UBAC1: variants seen among roughly 807,000 people sequenced by gnomAD.
The protein encoded by UBAC1 is ubiquitin-associated domain-containing protein 1.
Under a neutral mutation model 45.9 loss-of-function variants are expected in UBAC1, and 27 were observed. The ratio of observed to expected loss-of-function variants is 0.59; its 90% confidence interval spans 0.43 to 0.81. UBAC1 has a LOEUF of 0.81. Ranked by LOEUF, UBAC1 falls within the 30% of genes least tolerant of loss-of-function variation. The pLI, the probability that UBAC1 is intolerant of heterozygous loss-of-function variation, is 0.00. For synonymous variants in UBAC1, 227 were observed against 215.5 expected, an observed-to-expected ratio of 1.05 and a Z score of -0.47; for missense variants, 529 against 539.2, an observed-to-expected ratio of 0.98 and a Z score of 0.19.
intron 3 of UBAC1, 61 bp downstream of exon 3, chr9:135,953,619 G>A (rs1839432455): frequency 6.7e-7 from 1 of 1,499,106 alleles, no homozygotes; most frequent in Non-Finnish European, 9.2e-7. Context: ...TACCCAGCCT[G>A]TAATTCTTAA....
At position 135,939,670 on chromosome 9, in the gene UBAC1, C is replaced by T; in HGVS notation, c.963+3G>A. 1 of 1,612,354 alleles carries T rather than the reference C, an allele frequency of 6.2e-7. No homozygotes were observed. Among genetic ancestry groups the T allele is most frequent in the East Asian group, 2.2e-5 (1 of 44,884 alleles). On this transcript the variant is annotated splice_donor_region_variant and intron_variant, in intron 8 of 9. Transcript: ENST00000371756. ...CACTCACTCACCACAGCCCAACACT[C>T]ACCGCGGCATTCTGCTGGTTGTTGT...
At position 135,933,054 on chromosome 9, in the gene UBAC1, T is replaced by C. The variant is rs974765773; in HGVS notation, c.*346A>G. ...TTGACATTAACTCTGGGTTGAAACC[T>C]ACCTCCGTCAAATAACAAGTGGACT... On this transcript the variant is annotated 3_prime_UTR_variant, in exon 10 of 10. Transcript: ENST00000371756. 9.9e-6 allele frequency: 2 copies of C among 202,576 alleles called. No homozygotes were observed. The highest frequency in any genetic ancestry group is 1.9e-5 in the Non-Finnish European group (2 of 102,598). The allele number at this position is 202,576 out of a possible 1,614,324, so 12.5% of individuals were successfully genotyped here.
Position 135,938,310 on chromosome 9 carries a change from C to G in UBAC1, c.1014G>C (p.Lys338Asn), listed in dbSNP as rs748162848. The G allele has an allele frequency of 9.9e-6, 16 of 1,614,036 alleles. No individual in the cohort carries two copies. The highest frequency in any genetic ancestry group is 1.4e-5 in the Non-Finnish European group (16 of 1,180,040). Residue 338 changes from lysine (K) to asparagine (N), a missense_variant, in exon 9 of 10, where the codon AAG becomes AAC. Coordinates refer to ENST00000371756, the MANE Select transcript of UBAC1 (RefSeq NM_016172.3). Reference sequence around the variant, plus strand: ...AGAGAGGACTGTCGGGGTCGATGCCCTTGTCCAGCTCCTCCGGAGAGGGCT... The same window carrying G: ...AGAGAGGACTGTCGGGGTCGATGCCGTTGTCCAGCTCCTCCGGAGAGGGCT... Reference protein sequence around the residue: ...DRKPSPEELDKGIDPDSPLFQ... With the variant: ...DRKPSPEELDNGIDPDSPLFQ...
chr9:135,945,366 G>A, intron 6 of UBAC1, 116 bp from the exon 7 acceptor site: 1 of 920,698 alleles, frequency 1.1e-6, no homozygotes, highest in Non-Finnish European at 1.6e-6. Flanking sequence ...GCATCAGCTG[G>A]TGACCCTTAT....
rs1317349029 is a variant in UBAC1, at chr9:135,961,185, G to A, written c.-23C>T. The A allele has an allele frequency of 2.0e-6, 3 of 1,507,768 alleles. No homozygotes were observed. The highest frequency in any genetic ancestry group is 2.2e-5 in the Admixed American group (1 of 46,100). 93.4% of individuals were successfully genotyped at this position (1,507,768 alleles called of 1,614,324 possible). On this transcript the variant is annotated 5_prime_UTR_variant, in exon 1 of 10. Coordinates refer to ENST00000371756, the MANE Select transcript of UBAC1 (RefSeq NM_016172.3). ...CATCCCGCCGCCGCCGCAGGGGCCT[G>A]CGCCCGCCACCCGGGCCCCTGAAGG...
rs1839313910 is a variant in UBAC1, at chr9:135,945,178, A to G, written c.726T>C (p.Pro242=). The G allele has an allele frequency of 6.2e-7, 1 of 1,613,266 alleles. No homozygotes were observed. The highest frequency in any genetic ancestry group is 2.2e-5 in the East Asian group (1 of 44,856). The change falls in exon 7 of 10, where the codon CCT becomes CCC. Residue 242 remains proline (P), a synonymous_variant. Transcript: ENST00000371756. ...AEDPTIDTPL[P]GQAPPEAEGA... ...CCTCGGCCTCTGGGGGAGCTTGGCCAGGAAGAGGCGTGTCTATGGTCGGGT... is the reference window on the plus strand; with the variant it reads ...CCTCGGCCTCTGGGGGAGCTTGGCCGGGAAGAGGCGTGTCTATGGTCGGGT...
At chr9:135,959,288 TA>T (rs577152866) in intron 1 of UBAC1, among the ~76,000 whole-genome samples, 152 of 151,750 alleles carry the variant, frequency 1.0e-3, no homozygotes, top group African/African-American at 3.6e-3. Context: ...CTTGTGGATA[TA>T]AACCGAACCC....
intron 7 of UBAC1, 65 bp from the exon 8 acceptor site, chr9:135,939,824 G>C (rs762042255): frequency 9.8e-6 from 14 of 1,431,758 alleles, no homozygotes; most frequent in Non-Finnish European, 1.4e-5. Flanking sequence ...AGTGACCTGC[G>C]TGCAGAGGGG....
At chr9:135,955,476 G>A (rs966792747) in intron 1 of UBAC1, 61 bp from the exon 2 acceptor site, 4 of 1,427,944 alleles carry the variant, frequency 2.8e-6, no homozygotes, top group South Asian at 3.2e-5. Context: ...AATAATATAG[G>A]ACCTGGCATC....
rs1839223092 is a variant in UBAC1 at position 135,938,249 on chromosome 9, C to A, written c.1075G>T (p.Gly359Cys). 1 of 1,614,110 alleles carries A rather than the reference C, an allele frequency of 6.2e-7. No homozygotes were observed. Among genetic ancestry groups the A allele is most frequent in the East Asian group, 2.2e-5 (1 of 44,878 alleles). ...AILDNPVVQL[G>C]LTNPKTLLAF... is the part of the protein sequence containing the mutation. ...AGCAATGTTTTCGGGTTGGTCAGGC[C>A]CAGCTGCACCACCGGGTTATCCAGG... Residue 359 changes from glycine (G) to cysteine (C), a missense_variant, in exon 9 of 10, where the codon GGC (glycine) becomes TGC (cysteine). Physicochemically the swap from Gly to Cys is radical, Grantham distance 159 (BLOSUM62 -3). Transcript: ENST00000371756.
rs757154378 is a variant in UBAC1 at position 135,946,010 on chromosome 9, G to A, written c.545-13C>T. On this transcript the variant is annotated splice_polypyrimidine_tract_variant and intron_variant, in intron 5 of 9. Transcript: ENST00000371756. The stretch of plus-strand genomic sequence containing the variant: ...TCGTCCAGCATTGCTGCAGGGAGAC[G>A]ACAGGGCCATGAGGGCTCCAGCCTC... 60 of 1,610,980 alleles carry A rather than the reference G, an allele frequency of 3.7e-5. No homozygotes were observed. The highest frequency in any genetic ancestry group is 4.8e-5 in the Non-Finnish European group (57 of 1,178,518).
chr9:135,948,621 TGA>T (rs1357172790), intron 3 of UBAC1, among the ~76,000 whole-genome samples: 4 of 152,088 alleles, frequency 2.6e-5, no homozygotes, highest in African/African-American at 7.2e-5. Context: ...CCTAGGCTCA[TGA>T]GAGGGAAAGC....
At chr9:135,934,716 C>G (rs184808306) in intron 9 of UBAC1, among the ~76,000 whole-genome samples, 1 of 152,086 alleles carries the variant, frequency 6.6e-6, no homozygotes, top group African/African-American at 2.4e-5. Flanking sequence ...CTATAAGGTG[C>G]GAAACAGCTG....
intron 7 of UBAC1, 32 bp downstream of exon 7, chr9:135,944,996 C>T: frequency 6.3e-7 from 1 of 1,589,694 alleles, no homozygotes; most frequent in Non-Finnish European, 8.6e-7. Flanking sequence ...GACACAGCGA[C>T]TCTGCCTGGC....
At chr9:135,937,314 G>A (rs1448359031) in intron 9 of UBAC1, among the ~76,000 whole-genome samples, 4 of 151,942 alleles carry the variant, frequency 2.6e-5, no homozygotes, top group African/African-American at 9.7e-5. Context: ...GGTAGTGCAC[G>A]CCTGTAATCC....
rs1333642752 is a variant in UBAC1, at chr9:135,945,132, C to T, written c.772G>A (p.Glu258Lys). The T allele has an allele frequency of 1.2e-6, 2 of 1,613,988 alleles. No homozygotes were observed. Among genetic ancestry groups the T allele is most frequent in the South Asian group, 1.1e-5 (1 of 91,038 alleles). The change falls in exon 7 of 10, where the codon GAG (glutamate) becomes AAG (lysine). Residue 258 changes from glutamate to lysine, a missense_variant. Physicochemically the swap from Glu to Lys is moderately conservative, Grantham distance 56. Transcript: ENST00000371756. ...EAEGATAAAS[E>K]AAAGASATDE... ...GTGGCGCTGGCTCCCGCGGCAGCCTCGGAGGCAGCTGCTGTGGCCCCCTCG... is the reference window on the plus strand; with the variant it reads ...GTGGCGCTGGCTCCCGCGGCAGCCTTGGAGGCAGCTGCTGTGGCCCCCTCG...
intron 2 of UBAC1, among the ~76,000 whole-genome samples, chr9:135,954,746 G>A (rs1588536207): frequency 6.6e-6 from 1 of 152,306 alleles, no homozygotes; most frequent in Non-Finnish European, 1.5e-5. Context: ...CTCGGCCCAC[G>A]ACGGTGCCCA....
intron 1 of UBAC1, 132 bp downstream of exon 1, chr9:135,960,893 G>C (rs951085234): frequency 5.2e-6 from 4 of 763,030 alleles, no homozygotes; most frequent in Non-Finnish European, 7.7e-6. Flanking sequence ...CTCCACCCCC[G>C]GAGGAGAGGG....
intron 1 of UBAC1, among the ~76,000 whole-genome samples, chr9:135,959,203 G>A (rs140777739): frequency 6.6e-6 from 1 of 152,112 alleles, no homozygotes; most frequent in African/African-American, 2.4e-5. Context: ...ATGCAGTGTG[G>A]GGTCCACAGG....
Sources: gnomAD v4.1 joint callset for allele counts (sites outside exome capture counted in the v4.1 genomes callset) on GRCh38, gnomAD v4.1.1 for gene constraint, MANE v1.5 for transcripts, NCBI Gene and HGNC (gene_info 2026-07-23, HGNC 2026-07-21) for gene names.